The following CTNNA3 variants were observed in gnomAD, a reference collection of about 807,000 sequenced individuals.
CTNNA3 encodes the protein catenin alpha-3.
A neutral mutation model predicts 95.7 loss-of-function variants in CTNNA3; 76 were observed. That is an observed-to-expected ratio of 0.79 (90% confidence interval 0.66 to 0.96). The LOEUF (loss-of-function observed/expected upper bound fraction) is 0.96. CTNNA3 is among the 40% of genes least tolerant of loss of function. CTNNA3 has a pLI of 0.00. For missense variants in CTNNA3, 1,191 were observed against 1,089.8 expected, an observed-to-expected ratio of 1.09 and a Z score of -1.31; for synonymous variants, 431 against 374.4, an observed-to-expected ratio of 1.15 and a Z score of -1.74.
intron 9 of CTNNA3, among the ~76,000 whole-genome samples, chr10:66,735,261 C>T (rs1311636277): frequency 6.6e-6 from 1 of 151,704 alleles, no homozygotes; most frequent in East Asian, 1.9e-4. Flanking sequence ...CAATTGGTAG[C>T]TTTCCATACT....
chr10:66,077,242 A>G (rs1256300015), intron 14 of CTNNA3, among the ~76,000 whole-genome samples: 1 of 151,776 alleles, frequency 6.6e-6, no homozygotes, highest in Non-Finnish European at 1.5e-5. Context: ...TTAAACTGTT[A>G]TTTCTAGGTA....
intron 6 of CTNNA3, among the ~76,000 whole-genome samples, chr10:67,193,683 T>C (rs1863221768): frequency 6.6e-6 from 1 of 152,126 alleles, no homozygotes; most frequent in Non-Finnish European, 1.5e-5. Context: ...ACTCTTTTTA[T>C]GGCTGCATAG....
chr10:67,741,188 T>C lies in CTNNA3; in HGVS notation c.-2+22246A>G, dbSNP rs563484001. Among the ~76,000 whole-genome samples, 42 of 150,646 alleles carry C rather than the reference T, an allele frequency of 2.8e-4. 1 individual carries two copies. The highest frequency in any genetic ancestry group is 1.0e-3 in the African/African-American group (41 of 41,192). On this transcript the variant is annotated intron_variant, in intron 1 of 17. Transcript: ENST00000684154. ...ATGGGGAGAGGGGGGAGAGATAGCA[T>C]TGGGAGATATACCTAATGCTAGATG...
At chr10:65,927,576 G>A (rs1191109714) in intron 17 of CTNNA3, among the ~76,000 whole-genome samples, 2 of 152,124 alleles carry the variant, frequency 1.3e-5, no homozygotes, top group Non-Finnish European at 2.9e-5. Context: ...TTTGTGTGAT[G>A]TTTCACATGG....
At chr10:66,787,129 G>A (rs1436976205) in intron 7 of CTNNA3, among the ~76,000 whole-genome samples, 2 of 152,132 alleles carry the variant, frequency 1.3e-5, no homozygotes, top group African/African-American at 2.4e-5. Flanking sequence ...GAGGAGAGGC[G>A]ATTCCTACTC....
chr10:66,210,846 G>A (rs1049554038), intron 13 of CTNNA3, among the ~76,000 whole-genome samples: 1 of 152,148 alleles, frequency 6.6e-6, no homozygotes, highest in African/African-American at 2.4e-5. Context: ...GAAAATGATA[G>A]AATTATTTAT....
intron 7 of CTNNA3, among the ~76,000 whole-genome samples, chr10:66,876,138 C>A (rs559081043): frequency 6.6e-6 from 1 of 152,242 alleles, no homozygotes; most frequent in Non-Finnish European, 1.5e-5. Context: ...ACTGTTATTT[C>A]TTCAGGGAAA....
chr10:66,425,767 AAAGTATACATC>A (rs1399119359), intron 11 of CTNNA3, among the ~76,000 whole-genome samples: 1 of 152,044 alleles, frequency 6.6e-6, no homozygotes, highest in African/African-American at 2.4e-5. Flanking sequence ...CAATGTTCAT[AAAGTATACATC>A]TCACAGCTGT....
Position 67,316,488 on chromosome 10 carries a change from C to A in CTNNA3, c.580-96618G>T, listed in dbSNP as rs937247634. Among the ~76,000 whole-genome samples the A allele has an allele frequency of 6.6e-5, 10 of 152,220 alleles. No individual in the cohort carries two copies. In the East Asian group the frequency reaches 1.9e-3, roughly 29 times the overall value. ...CCACCACCATCAACAAAAGCAAGGC[C>A]TTTTGCAGTTCAAAATACATGGAAG... On this transcript the variant is annotated intron_variant, in intron 5 of 17. Transcript: ENST00000433211.
At chr10:67,233,943 C>T (rs1865339060) in intron 5 of CTNNA3, among the ~76,000 whole-genome samples, 1 of 152,074 alleles carries the variant, frequency 6.6e-6, no homozygotes. Flanking sequence ...ACACATACAC[C>T]CTCCCAAGAC....
intron 8 of CTNNA3, among the ~76,000 whole-genome samples, chr10:66,769,724 A>T (rs1368866965): frequency 2.0e-5 from 3 of 152,242 alleles, no homozygotes; most frequent in African/African-American, 7.2e-5. Flanking sequence ...CTATGCGGAT[A>T]GAAACTACTG....
At chr10:67,357,053 C>T (rs1400405502) in intron 5 of CTNNA3, among the ~76,000 whole-genome samples, 1 of 152,080 alleles carries the variant, frequency 6.6e-6, no homozygotes. Context: ...ATTTTCTCTA[C>T]CATCCTCACT....
At chr10:66,343,401 G>T (rs1302800807) in intron 12 of CTNNA3, among the ~76,000 whole-genome samples, 1 of 151,968 alleles carries the variant, frequency 6.6e-6, no homozygotes, top group Admixed American at 6.6e-5. Context: ...GCCATAAAAA[G>T]AATGAAATCC....
rs149904932 is a variant in CTNNA3, at chr10:67,264,297, CATT to C, written c.580-44430_580-44428del. Among the ~76,000 whole-genome samples the C allele has an allele frequency of 5.6e-3, 853 of 152,202 alleles. 6 individuals carry two copies. The highest frequency in any genetic ancestry group is 0.016 in the African/African-American group (657 of 41,526). On this transcript the variant is annotated intron_variant, in intron 5 of 17. Transcript: ENST00000433211. ...ACTAAAGCCTGCCAGACTCCTAAGT[CATT>C]GTTGTTTGTGCCTCAGATTCCCTTT...
chr10:67,597,128 C>A (rs889373676), intron 3 of CTNNA3, among the ~76,000 whole-genome samples: 1 of 152,154 alleles, frequency 6.6e-6, no homozygotes, highest in Non-Finnish European at 1.5e-5. Flanking sequence ...TTGGTTCTTT[C>A]TTAAAATGGC....
intron 17 of CTNNA3, among the ~76,000 whole-genome samples, chr10:65,944,113 G>A (rs11816737): frequency 0.33 from 50,704 of 152,108 alleles, 8,638 homozygotes; most frequent in Middle Eastern, 0.4. Context: ...AAGTCTGAAA[G>A]GTTGGCAAAG....
chr10:66,738,669 G>A (rs969848582), intron 9 of CTNNA3, among the ~76,000 whole-genome samples: 2 of 152,140 alleles, frequency 1.3e-5, no homozygotes, highest in African/African-American at 2.4e-5. Flanking sequence ...ATGTAAATAA[G>A]TGTATGTATT....
rs534536141 is a variant in CTNNA3 at position 65,913,689 on chromosome 10, G to A, written c.*6641C>T. ...AATTTTATGTTTAAATATTCAGGAAGGAGGATAGTTCTGTTTAACTGAGAG... is the reference window on the plus strand; with the variant it reads ...AATTTTATGTTTAAATATTCAGGAAAGAGGATAGTTCTGTTTAACTGAGAG... On this transcript the variant is annotated 3_prime_UTR_variant, in exon 18 of 18. Coordinates refer to ENST00000433211, the MANE Select transcript of CTNNA3 (RefSeq NM_013266.4). 6.6e-6 allele frequency: 1 copy of A among 152,258 alleles called. No individual in the cohort carries two copies. Among genetic ancestry groups the A allele is most frequent in the African/African-American group, 2.4e-5 (1 of 41,550 alleles). 9.4% of individuals were successfully genotyped at this position (152,258 alleles called of 1,614,324 possible).
chr10:66,018,273 CTAAT>C (rs2079134347), intron 15 of CTNNA3, among the ~76,000 whole-genome samples: 2 of 151,140 alleles, frequency 1.3e-5, no homozygotes, highest in South Asian at 4.2e-4. Flanking sequence ...TATAAAATCA[CTAAT>C]TATGAATCAG....
Sources: allele counts gnomAD v4.1 joint callset (sites outside exome capture counted in the v4.1 genomes callset), GRCh38; gene constraint gnomAD v4.1.1; transcripts MANE v1.5; gene names NCBI Gene and HGNC (gene_info 2026-07-23, HGNC 2026-07-21).